The following ANKFN1 variants were observed in gnomAD, a reference collection of about 807,000 sequenced individuals.
ANKFN1 encodes ankyrin repeat and fibronectin type-III domain-containing protein 1.
In ANKFN1, 74 loss-of-function variants were observed where a neutral mutation model predicts 108.7. The observed-to-expected ratio is 0.68, with a 90% CI of 0.56 to 0.83. The LOEUF (loss-of-function observed/expected upper bound fraction) is 0.83. Among genes scored for constraint, ANKFN1 ranks in the 40% least tolerant of loss-of-function variants. The pLI is 0.00. For missense variants in ANKFN1, 1,505 were observed against 1,382.3 expected (o/e 1.09, Z -1.41); for synonymous variants, 547 against 516.2 (o/e 1.06, Z -0.81).
chr17:56,364,322 A>T (rs1174621260), intron 6 of ANKFN1, among the ~76,000 whole-genome samples: 2 of 152,304 alleles, frequency 1.3e-5, no homozygotes, highest in East Asian at 3.9e-4. Context: ...CAAAAATAAC[A>T]TAAAATATAA....
chr17:56,357,418 G>A lies in ANKFN1; in HGVS notation c.601+3372G>A, dbSNP rs146322257. ...TAAGGATGCCAGGGACTCAGGCCCG[G>A]ATCTGTAGGATGCCAACACCTGGAA... is the stretch of plus-strand genomic sequence containing the variant. On this transcript the variant is annotated intron_variant, in intron 6 of 20. Coordinates refer to ENST00000682825, the MANE Select transcript of ANKFN1 (RefSeq NM_001370326.1). 1.4e-3 allele frequency among the ~76,000 whole-genome samples: 210 copies of A among 152,320 alleles called. 1 individual carries two copies. The highest frequency in any genetic ancestry group is 3.4e-3 in the Middle Eastern group (1 of 294).
At chr17:56,410,022 G>T (rs1028436277) in intron 8 of ANKFN1, among the ~76,000 whole-genome samples, 1 of 152,048 alleles carries the variant, frequency 6.6e-6, no homozygotes, top group African/African-American at 2.4e-5. Flanking sequence ...CAGAAGAAAA[G>T]CCAGGCCAAT....
At chr17:56,080,968 C>G (rs923735157) in intron 4 of ANKFN1, among the ~76,000 whole-genome samples, 1 of 152,212 alleles carries the variant, frequency 6.6e-6, no homozygotes, top group African/African-American at 2.4e-5. Flanking sequence ...GCTGCCTCCT[C>G]CATGTTCAAA....
chr17:56,453,410 T>C (rs1371458413), intron 11 of ANKFN1, among the ~76,000 whole-genome samples: 2 of 152,218 alleles, frequency 1.3e-5, no homozygotes, highest in African/African-American at 2.4e-5. Context: ...TCTATATGGC[T>C]ATAATAATTA....
intron 8 of ANKFN1, among the ~76,000 whole-genome samples, chr17:56,430,169 C>G (rs1201939546): frequency 1.3e-5 from 2 of 152,084 alleles, no homozygotes; most frequent in African/African-American, 2.4e-5. Context: ...TGTCATTTGC[C>G]TCTCCATAAC....
intron 3 of ANKFN1, among the ~76,000 whole-genome samples, chr17:56,321,882 C>T (rs927213079): frequency 6.6e-6 from 1 of 152,106 alleles, no homozygotes; most frequent in African/African-American, 2.4e-5. Flanking sequence ...TTCAAACTCC[C>T]GTTTCCCAGA....
At chr17:56,369,744 A>T (rs772013924) in intron 6 of ANKFN1, among the ~76,000 whole-genome samples, 1 of 152,160 alleles carries the variant, frequency 6.6e-6, no homozygotes, top group Non-Finnish European at 1.5e-5. Context: ...TTAAGCTATT[A>T]AAAAAATCCA....
At chr17:56,100,352 T>C (rs1474402966) in intron 4 of ANKFN1, among the ~76,000 whole-genome samples, 1 of 152,184 alleles carries the variant, frequency 6.6e-6, no homozygotes, top group Non-Finnish European at 1.5e-5. Context: ...ATGATTGTTG[T>C]AGGTGATGAA....
At chr17:56,443,144 C>G (rs1293253997) in intron 10 of ANKFN1, among the ~76,000 whole-genome samples, 3 of 152,140 alleles carry the variant, frequency 2.0e-5, no homozygotes, top group Non-Finnish European at 2.9e-5. Flanking sequence ...AATTTGGAAA[C>G]AGAAAGGCTG....
chr17:56,456,691 C>T (rs553672392), intron 11 of ANKFN1, among the ~76,000 whole-genome samples, 170 bp from the exon 12 acceptor site: 62 of 151,928 alleles, frequency 4.1e-4, no homozygotes, highest in African/African-American at 8.9e-4. Flanking sequence ...CCACCGTGCC[C>T]GGCTACAAGA....
At chr17:56,293,503 C>T (rs2044422638) in intron 3 of ANKFN1, among the ~76,000 whole-genome samples, 1 of 152,178 alleles carries the variant, frequency 6.6e-6, no homozygotes, top group Non-Finnish European at 1.5e-5. Context: ...CACATATGCA[C>T]TGGTTTCGTG....
chr17:56,293,489 C>A (rs1343981261), intron 3 of ANKFN1, among the ~76,000 whole-genome samples: 1 of 152,144 alleles, frequency 6.6e-6, no homozygotes, highest in East Asian at 1.9e-4. Context: ...CCAATGTATT[C>A]TTGCACATAT....
intron 4 of ANKFN1, among the ~76,000 whole-genome samples, chr17:56,139,363 C>T (rs1907782283): frequency 6.6e-6 from 1 of 152,164 alleles, no homozygotes; most frequent in South Asian, 2.1e-4. Flanking sequence ...ACCAGGCATT[C>T]AACAAAGTAT....
intron 1 of ANKFN1, among the ~76,000 whole-genome samples, chr17:56,166,981 A>G (rs1910178810): frequency 1.3e-5 from 2 of 152,072 alleles, no homozygotes. Flanking sequence ...TGGATCAGCC[A>G]TCACTATATA....
intron 3 of ANKFN1, among the ~76,000 whole-genome samples, chr17:56,254,712 A>G (rs187559913): frequency 2.0e-5 from 3 of 152,182 alleles, no homozygotes; most frequent in African/African-American, 7.2e-5. Flanking sequence ...GACCTCAGCC[A>G]CTCTTGGATG....
At chr17:56,288,764 C>A (rs955977726) in intron 3 of ANKFN1, among the ~76,000 whole-genome samples, 1 of 152,024 alleles carries the variant, frequency 6.6e-6, no homozygotes, top group African/African-American at 2.4e-5. Context: ...GTCCGGTGTG[C>A]CTCCCCTCTA....
Position 56,056,348 on chromosome 17 carries a change from G to T in ANKFN1, c.288+10023G>T, listed in dbSNP as rs148237682. On this transcript the variant is annotated intron_variant, in intron 4 of 12. Coordinates refer to the ANKFN1 transcript ENST00000635860. ...TTAAAGTTCACGTGAAACCAAAAAA[G>T]ACCCTGAATAGTCAAAACAATTCTA... Among the ~76,000 whole-genome samples, 695 of 140,662 alleles carry T rather than the reference G, an allele frequency of 4.9e-3. 3 individuals are homozygous for T. Among genetic ancestry groups the T allele is most frequent in the Middle Eastern group, 0.018 (5 of 274 alleles). 92.3% of individuals were successfully genotyped at this position (140,662 alleles called of 152,430 possible). A position where few individuals can be genotyped will look rare whatever the true frequency, so the allele number is the denominator to read the frequency against.
At position 56,517,010 on chromosome 17, in the gene ANKFN1, T is replaced by C. The variant is rs2051935414; in HGVS notation, c.*5741T>C. 6.6e-6 allele frequency among the ~76,000 whole-genome samples: 1 copy of C among 152,154 alleles called. No homozygotes were observed. The highest frequency in any genetic ancestry group is 1.5e-5 in the Non-Finnish European group (1 of 68,030). On this transcript the variant is annotated 3_prime_UTR_variant, in exon 21 of 21. Coordinates refer to ENST00000682825, the MANE Select transcript of ANKFN1 (RefSeq NM_001370326.1). ...TTGATTCAATAATAAACAAATAGAA[T>C]TCTTAATACTTGGCTTACTTAATGC...
chr17:56,256,065 A>G (rs981163529), intron 3 of ANKFN1, among the ~76,000 whole-genome samples: 1 of 152,140 alleles, frequency 6.6e-6, no homozygotes, highest in Admixed American at 6.5e-5. Context: ...CTGAAGAAAG[A>G]ATGTATCATG....
Sources: gnomAD v4.1 joint callset for allele counts (sites outside exome capture counted in the v4.1 genomes callset) on GRCh38, gnomAD v4.1.1 for gene constraint, MANE v1.5 for transcripts, NCBI Gene and HGNC (gene_info 2026-07-23, HGNC 2026-07-21) for gene names.